The following TENM3 variants were observed in gnomAD, a reference collection of about 807,000 sequenced individuals.
TENM3 encodes the protein teneurin transmembrane protein 3.
TENM3 carries 63 observed loss-of-function variants against 255.1 expected under a neutral mutation model. The observed-to-expected ratio is 0.25, with a 90% CI of 0.20 to 0.30. TENM3 has a LOEUF of 0.30. Ranked by LOEUF, TENM3 falls within the 10% of genes least tolerant of loss-of-function variation. The pLI, the probability that TENM3 is intolerant of heterozygous loss-of-function variation, is 1.00. For missense variants in TENM3, 2,929 were observed against 3,461.1 expected, an observed-to-expected ratio of 0.85 and a Z score of 3.86; for synonymous variants, 1,306 against 1,322.3, an observed-to-expected ratio of 0.99 and a Z score of 0.27.
At chr4:182,735,552 C>G (rs1226804524) in intron 16 of TENM3, among the ~76,000 whole-genome samples, 3 of 152,162 alleles carry the variant, frequency 2.0e-5, no homozygotes, top group African/African-American at 7.2e-5. Flanking sequence ...AATCACTATT[C>G]TAAGATCTTT....
the TENM3 span, among the ~76,000 whole-genome samples, chr4:182,137,313 T>A: frequency 1.0e-4 from 15 of 144,976 alleles, no homozygotes; most frequent in Non-Finnish European, 2.1e-4. Flanking sequence ...TCTCCCCAAG[T>A]CTCACTCTTC....
chr4:181,699,635 C>T, the TENM3 span, among the ~76,000 whole-genome samples: 32 of 152,122 alleles, frequency 2.1e-4, no homozygotes, highest in East Asian at 6.0e-3. Context: ...ACTCTGAATA[C>T]ATTTATGCAG....
intron 2 of TENM3, among the ~76,000 whole-genome samples, chr4:182,338,086 A>C (rs532603899): frequency 1.3e-5 from 2 of 152,128 alleles, no homozygotes; most frequent in Non-Finnish European, 2.9e-5. Context: ...TATGTATGTC[A>C]CTGCCTATGA....
At position 182,186,392 on chromosome 4, in the gene TENM3, A is replaced by G. The variant is rs561287198; in HGVS notation, c.-76+41638A>G. On this transcript the variant is annotated intron_variant, in intron 1 of 2. Transcript: ENST00000512480. Reference sequence around the variant, plus strand: ...CATAGTTTTAATTATTCCTTTTACAAAATTCACCTGTTTCAACCATAACTT... The same window carrying G: ...CATAGTTTTAATTATTCCTTTTACAGAATTCACCTGTTTCAACCATAACTT... Among the ~76,000 whole-genome samples the G allele has an allele frequency of 4.6e-5, 7 of 152,234 alleles. No individual in the cohort carries two copies. In the East Asian group the frequency reaches 1.2e-3, roughly 25 times the overall value.
the TENM3 span, among the ~76,000 whole-genome samples, chr4:181,615,430 C>G: frequency 6.6e-6 from 1 of 152,166 alleles, no homozygotes; most frequent in African/African-American, 2.4e-5. Flanking sequence ...CCTACCACCC[C>G]CTACCTTCAC....
At chr4:182,449,057 G>A (rs1168759474) in intron 3 of TENM3, 2 of 357,772 alleles carry the variant, frequency 5.6e-6, no homozygotes, top group Non-Finnish European at 1.1e-5. Flanking sequence ...GTTCCTCACG[G>A]CCACAGCGAG....
chr4:181,939,541 A>G, the TENM3 span, among the ~76,000 whole-genome samples: 47 of 152,310 alleles, frequency 3.1e-4, 2 homozygotes, highest in Admixed American at 1.3e-3. Flanking sequence ...AAACGGTAAG[A>G]TCGGAAACTT....
rs1765931818 is a variant in TENM3 at position 182,789,419 on chromosome 4, G to A, written c.5601+30G>A. 5 of 1,584,288 alleles carry A rather than the reference G, an allele frequency of 3.2e-6. No individual in the cohort carries two copies. Among genetic ancestry groups the A allele is most frequent in the Admixed American group, 1.7e-5 (1 of 57,882 alleles). Reference sequence around the variant, plus strand: ...GCCTGCAAACTAAGCTCAACAATAGGGAAAGGATAATTCACATTTTTCAGC... The same window carrying A: ...GCCTGCAAACTAAGCTCAACAATAGAGAAAGGATAATTCACATTTTTCAGC... On this transcript the variant is annotated intron_variant, in intron 25 of 27. Transcript: ENST00000511685. This position sits in a 1 kb window ranked among gnomAD's most constrained non-coding sequence, Gnocchi z 4.4.
chr4:182,459,684 T>C (rs1345252710), intron 3 of TENM3, among the ~76,000 whole-genome samples: 2 of 152,104 alleles, frequency 1.3e-5, no homozygotes, highest in Non-Finnish European at 2.9e-5. Flanking sequence ...AAGTACAAAG[T>C]CTTTCAAAAA....
At chr4:181,662,286 T>G in the TENM3 span, among the ~76,000 whole-genome samples, 4 of 152,238 alleles carry the variant, frequency 2.6e-5, no homozygotes, top group African/African-American at 9.6e-5. Context: ...TATTCAATTC[T>G]GAGTTTGCAT....
chr4:182,374,595 G>C (rs141982888), intron 3 of TENM3, among the ~76,000 whole-genome samples: 1,717 of 152,104 alleles, frequency 0.011, 16 homozygotes, highest in Non-Finnish European at 0.017. Context: ...AAGTTCATTA[G>C]CCTTGTCTTT....
At chr4:181,703,248 G>C in the TENM3 span, among the ~76,000 whole-genome samples, 1 of 152,156 alleles carries the variant, frequency 6.6e-6, no homozygotes, top group South Asian at 2.1e-4. Flanking sequence ...TGTGGGAGTC[G>C]TACATTGCAT....
the TENM3 span, among the ~76,000 whole-genome samples, chr4:181,448,809 T>G: frequency 6.6e-6 from 1 of 152,356 alleles, no homozygotes; most frequent in African/African-American, 2.4e-5. Flanking sequence ...GCTTCACGTT[T>G]TTTTACTGTG....
chr4:182,106,054 C>A, the TENM3 span, among the ~76,000 whole-genome samples: 1 of 152,160 alleles, frequency 6.6e-6, no homozygotes, highest in African/African-American at 2.4e-5. Context: ...GTGTGGTAGG[C>A]CCCCACCCTA....
At chr4:182,572,476 A>C (rs956206377) in intron 3 of TENM3, among the ~76,000 whole-genome samples, 34 of 152,218 alleles carry the variant, frequency 2.2e-4, no homozygotes, top group Non-Finnish European at 2.8e-4. Context: ...AAACTCAGGC[A>C]CAAGTCTACA....
chr4:181,785,184 C>T, the TENM3 span, among the ~76,000 whole-genome samples: 61 of 152,104 alleles, frequency 4.0e-4, 2 homozygotes, highest in Middle Eastern at 3.4e-3. Flanking sequence ...GAATGGTAGG[C>T]GACCAGGCAG....
At chr4:182,713,551 G>A (rs1008894690) in intron 12 of TENM3, among the ~76,000 whole-genome samples, 2 of 152,134 alleles carry the variant, frequency 1.3e-5, no homozygotes, top group South Asian at 2.1e-4. Flanking sequence ...TCACATGAAT[G>A]TACGGCAACT....
chr4:181,947,601 T>C, the TENM3 span, among the ~76,000 whole-genome samples: 1 of 152,130 alleles, frequency 6.6e-6, no homozygotes, highest in Admixed American at 6.5e-5. Context: ...ATTTGAAAAA[T>C]GTTACTTATA....
chr4:181,919,437 T>C, the TENM3 span, among the ~76,000 whole-genome samples: 1 of 149,786 alleles, frequency 6.7e-6, no homozygotes, highest in Non-Finnish European at 1.5e-5. Context: ...AGAAAAAGAT[T>C]GGAGGTTTTC....
Sources: gnomAD v4.1 joint callset for allele counts (sites outside exome capture counted in the v4.1 genomes callset) on GRCh38, gnomAD v4.1.1 for gene constraint, Gnocchi (gnomAD v3.1) non-coding constraint, MANE v1.5 for transcripts, NCBI Gene and HGNC (gene_info 2026-07-23, HGNC 2026-07-21) for gene names.